CPLX2: variants seen among roughly 807,000 people sequenced by gnomAD.
CPLX2 encodes the protein complexin 2.
In CPLX2, 5 loss-of-function variants were observed where a neutral mutation model predicts 16.3. The observed-to-expected ratio is 0.31, with a 90% CI of 0.16 to 0.64. CPLX2 has a LOEUF of 0.64. Among genes scored for constraint, CPLX2 ranks in the 30% least tolerant of loss-of-function variants. The pLI is 0.79. For synonymous variants in CPLX2, 89 were observed against 73.2 expected (o/e 1.22, Z -1.10); for missense variants, 144 against 181.4 (o/e 0.79, Z 1.18).
Position 175,883,539 on chromosome 5 carries a change from T to C in CPLX2, c.*3494T>C, listed in dbSNP as rs1025169282. ...AGTGGGGTAGACCCTCCAGCCCCAA[T>C]AGCCCTAGTACCCAGCTGGCAGGGT... On this transcript the variant is annotated 3_prime_UTR_variant, in exon 4 of 4. Transcript: ENST00000393745. The C allele has an allele frequency of 1.3e-5, 2 of 152,122 alleles. No homozygotes were observed. The highest frequency in any genetic ancestry group is 1.9e-4 in the East Asian group (1 of 5,168). 9.4% of individuals were successfully genotyped at this position (152,122 alleles called of 1,614,324 possible). A position where few individuals can be genotyped will look rare whatever the true frequency, so the allele number is the denominator to read the frequency against.
intron 1 of CPLX2, among the ~76,000 whole-genome samples, chr5:175,800,960 C>T (rs756325162): frequency 3.6e-4 from 55 of 152,246 alleles, no homozygotes; most frequent in Non-Finnish European, 5.4e-4. Context: ...GAGGAAATCG[C>T]TCTGGCAGAG....
At chr5:175,804,758 C>T (rs1393550234) in intron 1 of CPLX2, among the ~76,000 whole-genome samples, 1 of 152,158 alleles carries the variant, frequency 6.6e-6, no homozygotes. Flanking sequence ...AGTCTGAAAG[C>T]CTGGTCAACT....
chr5:175,841,249 C>A (rs1758938420), intron 2 of CPLX2, among the ~76,000 whole-genome samples: 1 of 152,196 alleles, frequency 6.6e-6, no homozygotes. Context: ...TACATCCCCC[C>A]AAAACCTGCA....
intron 2 of CPLX2, chr5:175,837,889 G>C (rs1758866932): frequency 6.6e-6 from 1 of 152,222 alleles, no homozygotes; most frequent in Admixed American, 6.5e-5. Context: ...AAACAGAGAA[G>C]GTCCCAGCTT....
At chr5:175,799,539 C>CATATAT (rs70988299) in intron 1 of CPLX2, among the ~76,000 whole-genome samples, 1,378 of 72,044 alleles carry the variant, frequency 0.019, 26 homozygotes, top group Middle Eastern at 0.042. Context: ...TTGCAAATTT[C>CATATAT]ATATATATAT....
chr5:175,834,155 C>G (rs371115646), intron 2 of CPLX2, among the ~76,000 whole-genome samples: 6 of 152,248 alleles, frequency 3.9e-5, no homozygotes, highest in African/African-American at 9.6e-5. Context: ...ACTGATGTAG[C>G]TTGGCAAGTT....
intron 2 of CPLX2, among the ~76,000 whole-genome samples, chr5:175,828,046 C>T (rs1046874203): frequency 2.0e-5 from 3 of 152,112 alleles, no homozygotes; most frequent in African/African-American, 7.2e-5. Context: ...TTCTGGTATT[C>T]GGATGCTTTT....
At chr5:175,839,720 AT>A (rs1270851810) in intron 2 of CPLX2, among the ~76,000 whole-genome samples, 3 of 152,250 alleles carry the variant, frequency 2.0e-5, no homozygotes, top group Admixed American at 2.0e-4. Context: ...CTCTGCACTA[AT>A]TTTGCAGTGA....
intron 2 of CPLX2, among the ~76,000 whole-genome samples, chr5:175,813,105 G>A (rs925024952): frequency 5.9e-5 from 9 of 152,188 alleles, no homozygotes; most frequent in Admixed American, 1.3e-4. Flanking sequence ...GCTGGCACAC[G>A]TGTGATTGAT....
In CPLX2 at chr5:175,806,664, A is replaced by ATT. The variant is rs5873514; in HGVS notation, c.-168-2312_-168-2311dup. 3.2e-3 allele frequency among the ~76,000 whole-genome samples: 451 copies of ATT among 143,038 alleles called. 2 individuals are homozygous for ATT. The highest frequency in any genetic ancestry group is 4.9e-3 in the Admixed American group (71 of 14,442). 93.8% of individuals were successfully genotyped at this position (143,038 alleles called of 152,430 possible). A position where few individuals can be genotyped will look rare whatever the true frequency, so the allele number is the denominator to read the frequency against. ...TGTCACCACGCCCGGTTAATTTTGTATTTTTTTTTTTTTTAGTAGAGATGG... is the reference window on the plus strand; with the variant it reads ...TGTCACCACGCCCGGTTAATTTTGTATTTTTTTTTTTTTTTTAGTAGAGATGG... On this transcript the variant is annotated intron_variant, in intron 1 of 4. Coordinates refer to the CPLX2 transcript ENST00000359546.
intron 2 of CPLX2, among the ~76,000 whole-genome samples, chr5:175,848,184 C>T (rs567304266): frequency 3.3e-5 from 5 of 151,482 alleles, no homozygotes; most frequent in East Asian, 3.9e-4. Context: ...CTGAGGGGGG[C>T]GGGGGGCAGG....
chr5:175,865,782 G>T (rs906361271), intron 2 of CPLX2, among the ~76,000 whole-genome samples: 7 of 152,284 alleles, frequency 4.6e-5, no homozygotes, highest in African/African-American at 1.7e-4. Flanking sequence ...TGCGGAGCTG[G>T]GCAAAAGATG....
intron 1 of CPLX2, among the ~76,000 whole-genome samples, chr5:175,805,289 T>C (rs1758176306): frequency 6.6e-6 from 1 of 152,186 alleles, no homozygotes; most frequent in Non-Finnish European, 1.5e-5. Flanking sequence ...AAATCTAGAC[T>C]CAGGGATGAG....
intron 2 of CPLX2, among the ~76,000 whole-genome samples, chr5:175,815,246 G>A (rs142273150): frequency 6.6e-6 from 1 of 152,312 alleles, no homozygotes; most frequent in African/African-American, 2.4e-5. Flanking sequence ...TGGGCTGGGG[G>A]CCCTAGGGGA....
chr5:175,822,494 G>A (rs755832631), intron 2 of CPLX2, among the ~76,000 whole-genome samples: 9 of 152,186 alleles, frequency 5.9e-5, no homozygotes, highest in South Asian at 2.1e-4. Context: ...AGTCTTTACC[G>A]TTAACGAGGC....
intron 1 of CPLX2, among the ~76,000 whole-genome samples, chr5:175,802,906 A>G (rs1373163341): frequency 1.3e-5 from 2 of 151,328 alleles, no homozygotes; most frequent in African/African-American, 4.9e-5. Flanking sequence ...ATCTTGGTTC[A>G]CTGCAACATC....
intron 2 of CPLX2, among the ~76,000 whole-genome samples, chr5:175,864,358 G>A (rs1476805325): frequency 6.6e-6 from 1 of 152,158 alleles, no homozygotes. Flanking sequence ...GGAGCAGGGG[G>A]TACCAGCCAC....
Position 175,879,883 on chromosome 5 carries a change from G to A in CPLX2, c.243G>A (p.Glu81=). 1 of 1,613,270 alleles carries A rather than the reference G, an allele frequency of 6.2e-7. No individual in the cohort carries two copies. Among genetic ancestry groups the A allele is most frequent in the Non-Finnish European group, 8.5e-7 (1 of 1,179,602 alleles). The change falls in exon 4 of 4, where the codon GAG becomes GAA. Residue 81 remains glutamate, a synonymous_variant. Transcript: ENST00000393745. ...GLKKKEEKEA[E]EKAALEQPCE... ...AGAAGAAGGAGGAGAAGGAAGCAGA[G>A]GAGAAAGCAGCCCTGGAGCAGCCCT...
At chr5:175,868,007 C>T (rs1409090531), upstream of CPLX2, among the ~76,000 whole-genome samples, 2 of 152,228 alleles carry the variant, frequency 1.3e-5, no homozygotes, top group African/African-American at 2.4e-5. Context: ...CTCGGGCACA[C>T]GGCCAACCTC....
Sources: allele counts gnomAD v4.1 joint callset (sites outside exome capture counted in the v4.1 genomes callset), GRCh38; gene constraint gnomAD v4.1.1; transcripts MANE v1.5; gene names NCBI Gene and HGNC (gene_info 2026-07-23, HGNC 2026-07-21).